Variants in CAPS2 observed in about 807,000 individuals in gnomAD.
The protein encoded by CAPS2 is calcyphosine 2.
A neutral mutation model predicts 86.5 loss-of-function variants in CAPS2; 98 were observed. The observed-to-expected ratio is 1.13, with a 90% confidence interval of 0.96 to 1.34. CAPS2 has a LOEUF of 1.34. Among genes scored for constraint, CAPS2 ranks in the 40% most tolerant of loss-of-function variants. The pLI is 0.00. For synonymous variants in CAPS2, 210 were observed against 225.1 expected (o/e 0.93, Z 0.60); for missense variants, 729 against 686.8 (o/e 1.06, Z -0.69).
intron 6 of CAPS2, among the ~76,000 whole-genome samples, 183 bp downstream of exon 6, chr12:75,316,129 A>G (rs968977643): frequency 1.2e-4 from 18 of 152,296 alleles, no homozygotes; most frequent in African/African-American, 4.3e-4. Context: ...CAATTTTTTT[A>G]CAGAATATAT....
At chr12:75,321,349 G>A in intron 5 of CAPS2, 51 bp downstream of exon 5, 1 of 1,121,228 alleles carries the variant, frequency 8.9e-7, no homozygotes, top group Non-Finnish European at 1.3e-6. Context: ...TCTGTAATAT[G>A]TGCAGTTTTC....
In CAPS2 at chr12:75,311,634, G is replaced by C. The variant is rs573701919; in HGVS notation, c.659+1214C>G. The stretch of plus-strand genomic sequence containing the variant: ...CGTAGGGAAGATGAAGAAGAACCAG[G>C]AGAGATTCTGAGAAGGGGAGAAAGG... On this transcript the variant is annotated intron_variant, in intron 7 of 16. Coordinates refer to ENST00000393284, the Ensembl canonical transcript of CAPS2. Among the ~76,000 whole-genome samples the C allele has an allele frequency of 1.1e-4, 14 of 131,594 alleles. No individual in the cohort carries two copies. The South Asian group carries it at 3.0e-3, about 28-fold the overall frequency. 86.3% of individuals were successfully genotyped at this position (131,594 alleles called of 152,430 possible). A position where few individuals can be genotyped will look rare whatever the true frequency, so the allele number is the denominator to read the frequency against.
At chr12:75,385,997 G>C (rs1289531865) in intron 1 of CAPS2, among the ~76,000 whole-genome samples, 1 of 152,092 alleles carries the variant, frequency 6.6e-6, no homozygotes. Flanking sequence ...AATGAAGAAG[G>C]AATTTGTTCA....
At chr12:75,298,568 GT>G in intron 11 of CAPS2, 118 bp downstream of exon 11, 1 of 725,432 alleles carries the variant, frequency 1.4e-6, no homozygotes, top group South Asian at 1.8e-5. Context: ...AAATGACCCT[GT>G]TCAGGATGCA....
At chr12:75,300,555 CAAAAAA>C (rs60853698) in intron 8 of CAPS2, among the ~76,000 whole-genome samples, 15 of 83,022 alleles carry the variant, frequency 1.8e-4, no homozygotes, top group Admixed American at 4.1e-4. Flanking sequence ...GACTCCGTCT[CAAAAAA>C]AAAAAAAAAA....
Position 75,367,141 on chromosome 12 carries a change from T to A in CAPS2, c.-395+23697A>T. ...GACACTTTAGAATACACCTCCAAAG[T>A]GGAAACCAAATAGGGTACCCAAAAG... On this transcript the variant is annotated intron_variant, in intron 1 of 5. Transcript: ENST00000551829. 4.7e-6 allele frequency: 3 copies of A among 644,648 alleles called. No individual in the cohort carries two copies. In the East Asian group the frequency reaches 8.2e-5, roughly 18 times the overall value. 39.9% of individuals were successfully genotyped at this position (644,648 alleles called of 1,614,324 possible).
At chr12:75,289,737 T>C in exon 14 of CAPS2, 1 of 1,612,876 alleles carries the variant, frequency 6.2e-7, no homozygotes, top group African/African-American at 1.3e-5. Flanking sequence ...CCAGTCAAAA[T>C]ACGAACACCT....
At chr12:75,353,730 C>T (rs1236247987) in intron 1 of CAPS2, among the ~76,000 whole-genome samples, 3 of 152,112 alleles carry the variant, frequency 2.0e-5, no homozygotes, top group Non-Finnish European at 4.4e-5. Context: ...AACATCAATG[C>T]AAAAATTCTC....
chr12:75,282,928 C>T lies in CAPS2; in HGVS notation c.1516-581G>A, dbSNP rs551470920. 2.6e-5 allele frequency among the ~76,000 whole-genome samples: 4 copies of T among 152,234 alleles called. No individual in the cohort carries two copies. The East Asian group carries it at 5.8e-4, about 22-fold the overall frequency. ...TGAGAAAGTAACCTGACCTCTATTTCCATGGCCTCTCTCCCCTGAAAACTG... is the reference window on the plus strand; with the variant it reads ...TGAGAAAGTAACCTGACCTCTATTTTCATGGCCTCTCTCCCCTGAAAACTG... On this transcript the variant is annotated intron_variant, in intron 15 of 16. Coordinates refer to ENST00000393284, the Ensembl canonical transcript of CAPS2.
chr12:75,388,546 A>G (rs1251773539), intron 1 of CAPS2, among the ~76,000 whole-genome samples: 1 of 152,220 alleles, frequency 6.6e-6, no homozygotes, highest in African/African-American at 2.4e-5. Context: ...TGAAAAGACT[A>G]CATACTGTAT....
In CAPS2 at chr12:75,319,109, C is replaced by T. The variant is rs1216453235; in HGVS notation, c.468+2291G>A. 9.3e-5 allele frequency among the ~76,000 whole-genome samples: 14 copies of T among 150,930 alleles called. No homozygotes were observed. In the South Asian group the frequency reaches 2.9e-3, roughly 31 times the overall value. On this transcript the variant is annotated intron_variant, in intron 5 of 16. Coordinates refer to ENST00000393284, the Ensembl canonical transcript of CAPS2. Reference sequence around the variant, plus strand: ...ATTATTTTAAAAATATATATGTACACATAAGTTTGCATTTTAGGTAACAAA... The same window carrying T: ...ATTATTTTAAAAATATATATGTACATATAAGTTTGCATTTTAGGTAACAAA...
rs376513817 is a variant in CAPS2, at chr12:75,290,654, G to A, written c.1241-879C>T. 3.4e-4 allele frequency among the ~76,000 whole-genome samples: 51 copies of A among 152,170 alleles called. No homozygotes were observed. The South Asian group carries it at 0.01, about 31-fold the overall frequency. ...AATTAGGCCAAGTGTGATGGTTCATGACTATAATCCCAGCACTTTGTGAGG... is the reference window on the plus strand; with the variant it reads ...AATTAGGCCAAGTGTGATGGTTCATAACTATAATCCCAGCACTTTGTGAGG... On this transcript the variant is annotated intron_variant, in intron 13 of 16. Coordinates refer to ENST00000393284, the Ensembl canonical transcript of CAPS2.
At chr12:75,344,001 A>C (rs1265534695) in intron 1 of CAPS2, 14 of 1,354,072 alleles carry the variant, frequency 1.0e-5, no homozygotes, top group African/African-American at 1.5e-5. Context: ...GCCAGAATTT[A>C]TTTCTCTGTA....
chr12:75,388,788 T>G (rs1001027796), intron 1 of CAPS2, among the ~76,000 whole-genome samples: 1 of 152,012 alleles, frequency 6.6e-6, no homozygotes, highest in Admixed American at 6.6e-5. Context: ...CACTATGAAC[T>G]CTGGGTGGGA....
chr12:75,374,575 C>T (rs2044550935), intron 1 of CAPS2, among the ~76,000 whole-genome samples: 1 of 152,192 alleles, frequency 6.6e-6, no homozygotes, highest in South Asian at 2.1e-4. Flanking sequence ...CTTTTTCTCA[C>T]TCATTGGGTC....
intron 1 of CAPS2, among the ~76,000 whole-genome samples, chr12:75,357,569 G>A (rs2043233551): frequency 6.6e-6 from 1 of 151,950 alleles, no homozygotes; most frequent in African/African-American, 2.4e-5. Context: ...TTCTTCAAGT[G>A]TACATGAAAT....
chr12:75,324,130 G>C (rs1280903599), intron 2 of CAPS2, among the ~76,000 whole-genome samples: 1 of 152,092 alleles, frequency 6.6e-6, no homozygotes, highest in Admixed American at 6.5e-5. Context: ...GTTTTATATT[G>C]AAAACTATTA....
intron 11 of CAPS2, among the ~76,000 whole-genome samples, chr12:75,295,764 A>T (rs2036772306): frequency 6.6e-6 from 1 of 152,216 alleles, no homozygotes; most frequent in African/African-American, 2.4e-5. Context: ...GACTATGAAG[A>T]AAAACTAAGC....
downstream of CAPS2, chr12:75,276,468 A>G (rs2032949987): frequency 1.0e-6 from 1 of 979,514 alleles, no homozygotes; most frequent in Admixed American, 6.2e-5. Context: ...AATTACTCTA[A>G]GTGACTGCCT....
Sources: gnomAD v4.1 joint callset for allele counts (sites outside exome capture counted in the v4.1 genomes callset) on GRCh38, gnomAD v4.1.1 for gene constraint, MANE v1.5 for transcripts, NCBI Gene and HGNC (gene_info 2026-07-23, HGNC 2026-07-21) for gene names.